Variants in SMYD2 observed in about 807,000 individuals in gnomAD.
The protein encoded by SMYD2 is SET and MYND domain containing 2.
SMYD2 carries 53 observed loss-of-function variants against 59.1 expected under a neutral mutation model. The ratio of observed to expected loss-of-function variants is 0.90; its 90% CI spans 0.72 to 1.13. SMYD2 has a LOEUF of 1.13. Ranked by LOEUF, SMYD2 falls within the 50% of genes most tolerant of loss-of-function variation. SMYD2 has a pLI of 0.00. For missense variants in SMYD2, 494 were observed against 544.7 expected (o/e 0.91, Z 0.93); for synonymous variants, 208 against 198.8 (o/e 1.05, Z -0.39).
intron 7 of SMYD2, 75 bp from the exon 8 acceptor site, chr1:214,330,093 C>T (rs1212885697): frequency 5.0e-6 from 5 of 1,009,872 alleles, no homozygotes; most frequent in Non-Finnish European, 7.4e-6. Context: ...CTGCAGGTGA[C>T]TGCAAAGGCA....
chr1:214,331,055 G>A lies in SMYD2; in HGVS notation c.922G>A (p.Ala308Thr). 1 of 1,614,178 alleles carries A rather than the reference G, an allele frequency of 6.2e-7. No homozygotes were observed. The highest frequency in any genetic ancestry group is 8.5e-7 in the Non-Finnish European group (1 of 1,180,016). The stretch of plus-strand genomic sequence containing the variant: ...CAACGTCATTGAAGAGTTCCGGAGG[G>A]CCAAGCACTATAAATATATCCTTTA... ...ARNVIEEFRR[A>T]KHYKSPSELL... The change falls in exon 9 of 12, where the codon GCC becomes ACC. Residue 308 changes from alanine to threonine, a missense_variant. Ala to Thr is a moderately conservative substitution (Grantham distance 58). Transcript: ENST00000366957.
chr1:214,315,018 G>A (rs1404676336), intron 3 of SMYD2, 146 bp downstream of exon 3: 7 of 652,630 alleles, frequency 1.1e-5, no homozygotes, highest in Non-Finnish European at 2.7e-6. Context: ...ACAGGGGTGG[G>A]GAAAATACTC....
chr1:214,318,992 G>A lies in SMYD2; in HGVS notation c.534+9G>A, dbSNP rs750056523. 23 of 1,612,374 alleles carry A rather than the reference G, an allele frequency of 1.4e-5. No homozygotes were observed. The highest frequency in any genetic ancestry group is 5.5e-5 in the South Asian group (5 of 90,686). On this transcript the variant is annotated intron_variant, in intron 5 of 11. Coordinates refer to ENST00000366957, the MANE Select transcript of SMYD2 (RefSeq NM_020197.3). This position sits in a 1 kb window ranked among gnomAD's most constrained non-coding sequence, Gnocchi z 5.4. The stretch of plus-strand genomic sequence containing the variant: ...TAGTACTCTTTGCACAGGTAAGGAC[G>A]CTGGCAGCAGGTAACACTCAGTCTG...
In SMYD2 at chr1:214,318,119, C is replaced by G. The variant is rs368195995; in HGVS notation, c.389C>G (p.Ala130Gly). The G allele has an allele frequency of 1.9e-5, 30 of 1,613,826 alleles. No individual in the cohort carries two copies. The highest frequency in any genetic ancestry group is 2.3e-5 in the Non-Finnish European group (27 of 1,180,010). The change falls in exon 4 of 12, where the codon GCT becomes GGT. Residue 130 changes from alanine to glycine, a missense_variant. Transcript: ENST00000366957. This position sits in a 1 kb window ranked among gnomAD's most constrained non-coding sequence, Gnocchi z 5.4. ...AGAACACCTTCGGAAAAATTGTTAG[C>G]TGTGAAGGAGTTTGAATCACGTAAG... ...PERTPSEKLL[A>G]VKEFESHLDK...
intron 10 of SMYD2, 39 bp downstream of exon 10, chr1:214,332,231 A>G (rs762844550): frequency 3.1e-6 from 5 of 1,605,790 alleles, no homozygotes; most frequent in Non-Finnish European, 4.3e-6. Flanking sequence ...ACGGAGTGGA[A>G]TTTGGTTGTT....
intron 5 of SMYD2, among the ~76,000 whole-genome samples, chr1:214,321,378 ATTAT>A (rs1471016969): frequency 8.6e-5 from 13 of 151,794 alleles, no homozygotes; most frequent in East Asian, 3.8e-4. Context: ...ACATTTTGAG[ATTAT>A]TTGTGTTCAC....
In SMYD2 at chr1:214,283,538, C is replaced by G. The variant is rs114005536; in HGVS notation, c.173+2111C>G. ...ATGCAATTAGAAATATCCTTGTACC[C>G]TACTTCATGATTTCTATTAAATCTG... On this transcript the variant is annotated intron_variant, in intron 1 of 11. Coordinates refer to ENST00000366957, the MANE Select transcript of SMYD2 (RefSeq NM_020197.3). 6.4e-3 allele frequency among the ~76,000 whole-genome samples: 982 copies of G among 152,302 alleles called. 4 individuals are homozygous for G. Among genetic ancestry groups the G allele is most frequent in the Non-Finnish European group, 9.8e-3 (665 of 68,026 alleles).
chr1:214,320,272 AAG>A (rs1445704395), intron 5 of SMYD2, among the ~76,000 whole-genome samples: 1 of 152,190 alleles, frequency 6.6e-6, no homozygotes, highest in African/African-American at 2.4e-5. Flanking sequence ...AGTATGAAAA[AAG>A]GGTATAATAC....
chr1:214,288,358 A>T (rs1179780199), intron 1 of SMYD2, among the ~76,000 whole-genome samples: 1 of 152,172 alleles, frequency 6.6e-6, no homozygotes. Flanking sequence ...TGAATTTCAC[A>T]CCTTTTTTGT....
intron 1 of SMYD2, among the ~76,000 whole-genome samples, chr1:214,284,713 A>G (rs1262212917): frequency 6.6e-6 from 1 of 151,816 alleles, no homozygotes; most frequent in East Asian, 1.9e-4. Flanking sequence ...ACAGGGTTTC[A>G]TCATGTTGGC....
chr1:214,326,682 G>C (rs1292482810), intron 6 of SMYD2, among the ~76,000 whole-genome samples: 1 of 152,104 alleles, frequency 6.6e-6, no homozygotes, highest in African/African-American at 2.4e-5. Flanking sequence ...AGCCAGCCTG[G>C]GGCAGTTCAT....
At chr1:214,313,548 C>T (rs528804056) in intron 2 of SMYD2, among the ~76,000 whole-genome samples, 4 of 151,566 alleles carry the variant, frequency 2.6e-5, no homozygotes, top group Non-Finnish European at 4.4e-5. Flanking sequence ...CTTTTCACTA[C>T]TCTAAGCTGT....
Position 214,333,262 on chromosome 1 carries a change from G to A in SMYD2, c.1113-938G>A, listed in dbSNP as rs1657385322. On this transcript the variant is annotated intron_variant, in intron 10 of 11. Transcript: ENST00000366957. ...CGCAGTTCTCTGTGTGAGATCTGTA[G>A]GGAGAGAGGAGCAGACAGACAGCAT... is the stretch of plus-strand genomic sequence containing the variant. 3 of 152,352 alleles carry A rather than the reference G, an allele frequency of 2.0e-5. No homozygotes were observed. In the South Asian group the frequency reaches 6.2e-4, roughly 31 times the overall value. The allele number at this position is 152,352 out of a possible 1,614,324, so 9.4% of individuals were successfully genotyped here.
chr1:214,331,409 C>G (rs1456407379), intron 9 of SMYD2: 1 of 249,246 alleles, frequency 4.0e-6, no homozygotes, highest in South Asian at 6.6e-5. Context: ...GCTCTCCTCA[C>G]TGGCACACTC....
chr1:214,285,881 C>T (rs1210465574), intron 1 of SMYD2, among the ~76,000 whole-genome samples: 1 of 152,206 alleles, frequency 6.6e-6, no homozygotes, highest in Non-Finnish European at 1.5e-5. Flanking sequence ...CAGCATGTTA[C>T]TGTACTGAAT....
chr1:214,301,269 T>G (rs1656819170), intron 1 of SMYD2, among the ~76,000 whole-genome samples: 1 of 152,194 alleles, frequency 6.6e-6, no homozygotes, highest in Admixed American at 6.5e-5. Context: ...CCTTCTCAGT[T>G]AAATGCGGAT....
chr1:214,323,564 T>A (rs1371107633), intron 5 of SMYD2, among the ~76,000 whole-genome samples: 1 of 151,964 alleles, frequency 6.6e-6, no homozygotes, highest in Admixed American at 6.5e-5. Flanking sequence ...CCCGAGTAGA[T>A]GGAACAGCTG....
At position 214,281,434 on chromosome 1, in the gene SMYD2, C is replaced by T. The variant is rs769389692; in HGVS notation, c.173+7C>T. 3 of 1,232,952 alleles carry T rather than the reference C, an allele frequency of 2.4e-6. No individual in the cohort carries two copies. The highest frequency in any genetic ancestry group is 2.3e-5 in the South Asian group (1 of 44,150). 76.4% of individuals were successfully genotyped at this position (1,232,952 alleles called of 1,614,324 possible). On this transcript the variant is annotated splice_region_variant and intron_variant, in intron 1 of 11. Coordinates refer to ENST00000366957, the MANE Select transcript of SMYD2 (RefSeq NM_020197.3). ...GCGAGTACTGCTTCACCAGGTAGGG[C>T]GGCGGCGGCGGCGGCGGCGGGCGGG... is the stretch of plus-strand genomic sequence containing the variant.
At chr1:214,328,939 A>C (rs1349761546) in intron 7 of SMYD2, among the ~76,000 whole-genome samples, 1 of 152,220 alleles carries the variant, frequency 6.6e-6, no homozygotes, top group African/African-American at 2.4e-5. Context: ...CTGACTGCAG[A>C]GATGAGCAGG....
Sources: gnomAD v4.1 joint callset for allele counts (sites outside exome capture counted in the v4.1 genomes callset) on GRCh38, gnomAD v4.1.1 for gene constraint, Gnocchi (gnomAD v3.1) non-coding constraint, MANE v1.5 for transcripts, NCBI Gene and HGNC (gene_info 2026-07-23, HGNC 2026-07-21) for gene names.